Variants in IGFBP1 observed in about 807,000 individuals in gnomAD.
The protein encoded by IGFBP1 is insulin like growth factor binding protein 1.
IGFBP1 carries 31 observed loss-of-function variants against 23.1 expected under a neutral mutation model. The ratio of observed to expected loss-of-function variants is 1.34; its 90% CI spans 1.01 to 1.81. The LOEUF (loss-of-function observed/expected upper bound fraction) is 1.81, where lower values mean the gene tolerates loss of function less well. Ranked by LOEUF, IGFBP1 falls within the 40% of genes most tolerant of loss-of-function variation. The pLI is 0.00. For synonymous variants in IGFBP1, 148 were observed against 145.5 expected, an observed-to-expected ratio of 1.02 and a Z score of -0.13; for missense variants, 333 against 342.2, an observed-to-expected ratio of 0.97 and a Z score of 0.21.
Position 45,888,554 on chromosome 7 carries a change from C to G in IGFBP1, c.-99C>G. 9.5e-7 allele frequency: 1 copy of G among 1,047,242 alleles called. No individual in the cohort carries two copies. Among genetic ancestry groups the G allele is most frequent in the Non-Finnish European group, 1.4e-6 (1 of 713,656 alleles). 64.9% of individuals were successfully genotyped at this position (1,047,242 alleles called of 1,614,324 possible). On this transcript the variant is annotated 5_prime_UTR_variant, in exon 1 of 4. Transcript: ENST00000275525. ...GCCGCCGCCACCCTCCCAGAGAGCA[C>G]TGGCCACCGCTCCACCATCACTTGC...
At chr7:45,889,072 C>A in intron 1 of IGFBP1, 71 bp downstream of exon 1, 1 of 1,175,780 alleles carries the variant, frequency 8.5e-7, no homozygotes, top group East Asian at 2.9e-5. Flanking sequence ...CGCCCCCACT[C>A]CCCTAACTAC....
At chr7:45,892,920 T>C in intron 3 of IGFBP1, 40 bp from the exon 4 acceptor site, 1 of 1,597,214 alleles carries the variant, frequency 6.3e-7, no homozygotes, top group Non-Finnish European at 8.6e-7. Flanking sequence ...CCCTGTCAGC[T>C]TGTCATCTGC....
chr7:45,889,120 C>G, intron 1 of IGFBP1, 119 bp downstream of exon 1: 1 of 744,780 alleles, frequency 1.3e-6, no homozygotes, highest in South Asian at 2.1e-5. Context: ...TTGTCCACAA[C>G]TAGAGCTTGA....
chr7:45,888,711 T>C lies in IGFBP1; in HGVS notation c.59T>C (p.Val20Ala), dbSNP rs138841724. The C allele has an allele frequency of 1.9e-6, 3 of 1,597,102 alleles. No homozygotes were observed. The African/African-American group carries it at 4.0e-5, about 21-fold the overall frequency. Residue 20 changes from valine to alanine, a missense_variant, in exon 1 of 4, where the codon GTC becomes GCC. Coordinates refer to ENST00000275525, the MANE Select transcript of IGFBP1 (RefSeq NM_000596.4). ...GTACTGCTCCTGCTGACTGTCCAGG[T>C]CGGCGTGACAGCCGGCGCTCCGTGG... ...WLVLLLLTVQVGVTAGAPWQC... is the reference protein window; with the variant it reads ...WLVLLLLTVQAGVTAGAPWQC...
At chr7:45,889,070 C>G in intron 1 of IGFBP1, 69 bp downstream of exon 1, 2 of 1,195,334 alleles carry the variant, frequency 1.7e-6, no homozygotes, top group Non-Finnish European at 2.3e-6. Flanking sequence ...CCCGCCCCCA[C>G]TCCCCTAACT....
chr7:45,888,744 C>T lies in IGFBP1; in HGVS notation c.92C>T (p.Ala31Val). The T allele has an allele frequency of 6.3e-7, 1 of 1,587,792 alleles. No individual in the cohort carries two copies. Among genetic ancestry groups the T allele is most frequent in the Admixed American group, 1.7e-5 (1 of 58,458 alleles). The change falls in exon 1 of 4, where the codon GCG (alanine) becomes GTG (valine). Residue 31 changes from alanine (A) to valine (V), a missense_variant. Ala to Val is a moderately conservative substitution (Grantham distance 64). Transcript: ENST00000275525. ...GVTAGAPWQCAPCSAEKLALC... is the reference protein window; with the variant it reads ...GVTAGAPWQCVPCSAEKLALC... ...ACAGCCGGCGCTCCGTGGCAGTGCG[C>T]GCCCTGCTCCGCCGAGAAGCTCGCG...
Position 45,892,054 on chromosome 7 carries a change from C to T in IGFBP1, c.642C>T (p.Ser214=), listed in dbSNP as rs773322292. The T allele has an allele frequency of 6.2e-7, 1 of 1,614,148 alleles. No homozygotes were observed. Among genetic ancestry groups the T allele is most frequent in the South Asian group, 1.1e-5 (1 of 91,068 alleles). The stretch of plus-strand genomic sequence containing the variant: ...GCAACAAGAATGGATTTTATCACAG[C>T]AGACAGGTAGGTGGCCTTGCCAGTG... ...PNCNKNGFYH[S]RQCETSMDGE... is the part of the protein sequence containing the mutation. The change falls in exon 3 of 4, where the codon AGC becomes AGT. Residue 214 remains serine (S), a synonymous_variant. Coordinates refer to ENST00000275525, the MANE Select transcript of IGFBP1 (RefSeq NM_000596.4).
chr7:45,889,812 G>A (rs1473002095), intron 1 of IGFBP1, among the ~76,000 whole-genome samples: 1 of 152,168 alleles, frequency 6.6e-6, no homozygotes, highest in East Asian at 1.9e-4. Context: ...GTGTGTGAGA[G>A]TCAGTGACCC....
intron 1 of IGFBP1, among the ~76,000 whole-genome samples, 173 bp from the exon 2 acceptor site, chr7:45,890,375 C>T (rs1787058880): frequency 6.6e-6 from 1 of 152,158 alleles, no homozygotes; most frequent in Non-Finnish European, 1.5e-5. Context: ...CATAACTCTT[C>T]CTGGAAACCA....
At chr7:45,890,370 C>G (rs770489504) in intron 1 of IGFBP1, among the ~76,000 whole-genome samples, 178 bp from the exon 2 acceptor site, 9 of 152,192 alleles carry the variant, frequency 5.9e-5, no homozygotes, top group Non-Finnish European at 2.9e-5. Flanking sequence ...TGGGACATAA[C>G]TCTTCCTGGA....
chr7:45,892,502 G>C (rs1289865904), intron 3 of IGFBP1, among the ~76,000 whole-genome samples: 1 of 152,162 alleles, frequency 6.6e-6, no homozygotes, highest in Non-Finnish European at 1.5e-5. Context: ...CATTTTTGTG[G>C]CTTGCCAGAT....
At chr7:45,890,040 A>G (rs1354901402) in intron 1 of IGFBP1, among the ~76,000 whole-genome samples, 1 of 152,168 alleles carries the variant, frequency 6.6e-6, no homozygotes, top group Non-Finnish European at 1.5e-5. Context: ...GGACGTGGGA[A>G]GGCAGGGGCC....
intron 2 of IGFBP1, among the ~76,000 whole-genome samples, 168 bp from the exon 3 acceptor site, chr7:45,891,764 G>A (rs534070911): frequency 6.6e-6 from 1 of 152,142 alleles, no homozygotes; most frequent in Non-Finnish European, 1.5e-5. Flanking sequence ...ACTGCAGGTG[G>A]GAAAAAGAGG....
Position 45,890,791 on chromosome 7 carries a change from C to A in IGFBP1, c.519+74C>A, listed in dbSNP as rs1351271208. On this transcript the variant is annotated intron_variant, in intron 2 of 3. Transcript: ENST00000275525. Reference sequence around the variant, plus strand: ...GCTTGAGTCGGCTGTGACAAGCAGACCTGGCCCACTCCTTCCTGGTCCTGA... The same window carrying A: ...GCTTGAGTCGGCTGTGACAAGCAGAACTGGCCCACTCCTTCCTGGTCCTGA... 6.9e-6 allele frequency: 9 copies of A among 1,302,780 alleles called. No homozygotes were observed. In the East Asian group the frequency reaches 1.5e-4, roughly 22 times the overall value. The allele number at this position is 1,302,780 out of a possible 1,614,324, so 80.7% of individuals were successfully genotyped here.
rs1445900955 is a variant in IGFBP1, at chr7:45,893,645, ATATT to A, written c.*555_*558del. The A allele has an allele frequency of 6.6e-6, 1 of 152,154 alleles. No individual in the cohort carries two copies. The highest frequency in any genetic ancestry group is 1.9e-4 in the East Asian group (1 of 5,198). 9.4% of individuals were successfully genotyped at this position (152,154 alleles called of 1,614,324 possible). A position where few individuals can be genotyped will look rare whatever the true frequency, so the allele number is the denominator to read the frequency against. ...TCTATAATGGAAACATTTACAATAA[ATATT>A]CTGCATGGAAATACTGTTATCTCTG... On this transcript the variant is annotated 3_prime_UTR_variant, in exon 4 of 4. Coordinates refer to ENST00000275525, the MANE Select transcript of IGFBP1 (RefSeq NM_000596.4).
Position 45,888,814 on chromosome 7 carries a change from C to T in IGFBP1, c.162C>T (p.Ser54=), listed in dbSNP as rs1400551718. 6.4e-7 allele frequency: 1 copy of T among 1,558,578 alleles called. No homozygotes were observed. The highest frequency in any genetic ancestry group is 8.6e-7 in the Non-Finnish European group (1 of 1,160,776). ...CCTCGTGCTCGGAGGTCACCCGGTC[C>T]GCCGGCTGCGGCTGTTGCCCGATGT... is the stretch of plus-strand genomic sequence containing the variant. ...VSASCSEVTR[S]AGCGCCPMCA... is the part of the protein sequence containing the mutation. The change falls in exon 1 of 4, where the codon TCC becomes TCT. Residue 54 remains serine (S), a synonymous_variant. Coordinates refer to ENST00000275525, the MANE Select transcript of IGFBP1 (RefSeq NM_000596.4).
chr7:45,891,936 C>T lies in IGFBP1; in HGVS notation c.524C>T (p.Pro175Leu), dbSNP rs760281769. 4.3e-6 allele frequency: 7 copies of T among 1,611,174 alleles called. No homozygotes were observed. Among genetic ancestry groups the T allele is most frequent in the Non-Finnish European group, 5.9e-6 (7 of 1,178,640 alleles). ...HVTNIKKWKE[P>L]CRIELYRVVE... ...AATGTCAAGTTATTCTCTTAGGAGC[C>T]CTGCCGAATAGAACTCTACAGAGTC... is the stretch of plus-strand genomic sequence containing the variant. Residue 175 changes from proline to leucine, a missense_variant, in exon 3 of 4, where the codon CCC becomes CTC. Coordinates refer to ENST00000275525, the MANE Select transcript of IGFBP1 (RefSeq NM_000596.4).
chr7:45,888,838 G>A lies in IGFBP1; in HGVS notation c.186G>A (p.Met62Ile). The change falls in exon 1 of 4, where the codon ATG (methionine) becomes ATA (isoleucine). Residue 62 changes from methionine (M) to isoleucine (I), a missense_variant. Transcript: ENST00000275525. ...CCGCCGGCTGCGGCTGTTGCCCGAT[G>A]TGCGCCCTGCCTCTGGGCGCCGCGT... ...TRSAGCGCCP[M>I]CALPLGAACG... The A allele has an allele frequency of 6.5e-7, 1 of 1,542,494 alleles. No individual in the cohort carries two copies. The highest frequency in any genetic ancestry group is 8.7e-7 in the Non-Finnish European group (1 of 1,152,652).
rs1787016580 is a variant in IGFBP1 at position 45,888,627 on chromosome 7, C to T, written c.-26C>T. 1.3e-6 allele frequency: 2 copies of T among 1,571,572 alleles called. No individual in the cohort carries two copies. Among genetic ancestry groups the T allele is most frequent in the East Asian group, 2.3e-5 (1 of 44,188 alleles). On this transcript the variant is annotated 5_prime_UTR_variant, in exon 1 of 4. Transcript: ENST00000275525. ...CCGCCACCAGCCCAGAGAGCATCGG[C>T]CCCTGTCTGCTGCTCGCGCCTGGAG...
Sources: allele counts gnomAD v4.1 joint callset (sites outside exome capture counted in the v4.1 genomes callset), GRCh38; gene constraint gnomAD v4.1.1; transcripts MANE v1.5; gene names NCBI Gene and HGNC (gene_info 2026-07-23, HGNC 2026-07-21).